KDM2B: variants seen among roughly 807,000 people sequenced by gnomAD.
KDM2B encodes lysine demethylase 2B, also known as lysine-specific demethylase 2B.
KDM2B carries 26 observed loss-of-function variants against 150.0 expected under a neutral mutation model. The ratio of observed to expected loss-of-function variants is 0.17; its 90% CI spans 0.13 to 0.24. KDM2B has a LOEUF of 0.24. Ranked by LOEUF, KDM2B falls within the 10% of genes least tolerant of loss-of-function variation. The probability of loss-of-function intolerance (pLI) is 1.00; values close to 1 mark genes in which losing one functional copy is unlikely to be tolerated. For missense variants in KDM2B, 1,265 were observed against 1,816.9 expected (o/e 0.70, Z 5.52); for synonymous variants, 734 against 729.5 (o/e 1.01, Z -0.10).
At chr12:121,512,302 A>G (rs1419557921) in intron 10 of KDM2B, among the ~76,000 whole-genome samples, 5 of 152,104 alleles carry the variant, frequency 3.3e-5, no homozygotes, top group Non-Finnish European at 7.3e-5. Context: ...CTCACAGGCA[A>G]AGACTTCCCA....
At chr12:121,499,129 G>C (rs1295269495) in intron 11 of KDM2B, among the ~76,000 whole-genome samples, 2 of 38,920 alleles carry the variant, frequency 5.1e-5, no homozygotes, top group Admixed American at 2.6e-4. Flanking sequence ...TTTTTTTTTT[G>C]AGATGGAATC....
intron 4 of KDM2B, among the ~76,000 whole-genome samples, chr12:121,572,591 C>T (rs1324810550): frequency 2.0e-5 from 3 of 152,196 alleles, no homozygotes; most frequent in Non-Finnish European, 4.4e-5. Context: ...AGCCCCACCA[C>T]GTGCCATGCC....
intron 13 of KDM2B, among the ~76,000 whole-genome samples, chr12:121,448,319 CAAAAAAAAAAAAA>C (rs57261158): frequency 3.9e-5 from 2 of 51,106 alleles, no homozygotes; most frequent in Admixed American, 2.6e-4. Context: ...GACTCTGTCT[CAAAAAAAAAAAAA>C]AAAAAAAAAA....
intron 11 of KDM2B, among the ~76,000 whole-genome samples, chr12:121,504,817 T>C (rs139311928): frequency 6.6e-6 from 1 of 151,944 alleles, no homozygotes; most frequent in Non-Finnish European, 1.5e-5. Flanking sequence ...CATCTCTACT[T>C]AAAATATAAA....
intron 10 of KDM2B, 47 bp from the exon 11 acceptor site, chr12:121,510,086 C>T: frequency 1.4e-6 from 2 of 1,472,558 alleles, no homozygotes; most frequent in East Asian, 2.3e-5. Context: ...ACCTAACTCC[C>T]TGCCAAGGTC....
Position 121,550,952 on chromosome 12 carries a change from C to A in KDM2B, c.398-1314G>T, listed in dbSNP as rs138926636. 1.8e-3 allele frequency among the ~76,000 whole-genome samples: 277 copies of A among 152,268 alleles called. 1 individual carries two copies. The highest frequency in any genetic ancestry group is 6.4e-3 in the African/African-American group (267 of 41,548). On this transcript the variant is annotated intron_variant, in intron 4 of 22. Coordinates refer to ENST00000377071, the MANE Select transcript of KDM2B (RefSeq NM_032590.5). Reference sequence around the variant, plus strand: ...TTTACAAAGCTTTCCTGGGGCACAGCCACGGTCATCGGTTCACATATTGTA... The same window carrying A: ...TTTACAAAGCTTTCCTGGGGCACAGACACGGTCATCGGTTCACATATTGTA...
rs530909392 is a variant in KDM2B at position 121,518,844 on chromosome 12, A to C, written c.1047+2141T>G. ...TCTGCTCGTGCACAAACTGGCCTGT[A>C]CTCCAGGACAGGCCAAAGAACAGTT... On this transcript the variant is annotated intron_variant, in intron 9 of 22. Coordinates refer to ENST00000377071, the MANE Select transcript of KDM2B (RefSeq NM_032590.5). This position sits in a 1 kb window ranked among gnomAD's most constrained non-coding sequence, Gnocchi z 4.4. Among the ~76,000 whole-genome samples, 1 of 152,142 alleles carries C rather than the reference A, an allele frequency of 6.6e-6. No individual in the cohort carries two copies. The highest frequency in any genetic ancestry group is 2.1e-4 in the South Asian group (1 of 4,800).
chr12:121,575,874 G>T lies in KDM2B; in HGVS notation c.272-15C>A. The stretch of plus-strand genomic sequence containing the variant: ...ATAGTTGAAATCTGTTTGGATATTT[G>T]AATTAAAACAAGTTGGTTAAGTCAC... On this transcript the variant is annotated splice_polypyrimidine_tract_variant and intron_variant, in intron 2 of 22. Coordinates refer to ENST00000377071, the MANE Select transcript of KDM2B (RefSeq NM_032590.5). The surrounding 1 kb of genome is among the most constrained non-coding windows in gnomAD (Gnocchi z 4.4). The T allele has an allele frequency of 6.3e-7, 1 of 1,595,346 alleles. No homozygotes were observed. Among genetic ancestry groups the T allele is most frequent in the Non-Finnish European group, 8.6e-7 (1 of 1,162,966 alleles).
intron 4 of KDM2B, among the ~76,000 whole-genome samples, chr12:121,558,702 G>A (rs565803260): frequency 2.6e-5 from 4 of 152,036 alleles, no homozygotes; most frequent in African/African-American, 7.2e-5. Context: ...TGATTTGCCC[G>A]CCTCGGCCTC....
At chr12:121,580,489 C>T in intron 1 of KDM2B, 1 of 1,184,166 alleles carries the variant, frequency 8.4e-7, no homozygotes, top group Non-Finnish European at 1.0e-6. Flanking sequence ...ACGCAGGCGC[C>T]GCCGCCGCCC....
rs557538981 is a variant in KDM2B at position 121,444,406 on chromosome 12, G to A, written c.2190+44C>T. 223 of 1,609,632 alleles carry A rather than the reference G, an allele frequency of 1.4e-4. 2 individuals are homozygous for A. In the South Asian group the frequency reaches 2.1e-3, roughly 15 times the overall value. On this transcript the variant is annotated intron_variant, in intron 15 of 22. Coordinates refer to ENST00000377071, the MANE Select transcript of KDM2B (RefSeq NM_032590.5). ...GCTGGTCCCGGCCAGGCCCAGGCCC[G>A]CCCCTCTCCCGACTGACCCTGGGAC...
chr12:121,465,318 C>T (rs1300537007), intron 12 of KDM2B, among the ~76,000 whole-genome samples: 2 of 152,174 alleles, frequency 1.3e-5, no homozygotes, highest in African/African-American at 4.8e-5. Flanking sequence ...ACCGCAACCT[C>T]CGCCTCCTGG....
At chr12:121,565,817 G>A (rs1425831586) in intron 4 of KDM2B, among the ~76,000 whole-genome samples, 1 of 151,946 alleles carries the variant, frequency 6.6e-6, no homozygotes, top group Non-Finnish European at 1.5e-5. Context: ...AGTAGAGACG[G>A]GGTTTCACCA....
At chr12:121,450,861 A>G (rs1261049942) in intron 13 of KDM2B, among the ~76,000 whole-genome samples, 1 of 151,924 alleles carries the variant, frequency 6.6e-6, no homozygotes, top group Non-Finnish European at 1.5e-5. Flanking sequence ...ACTCCATCAA[A>G]AAAAAAAAAG....
chr12:121,426,445 C>G (rs1218437989), downstream of KDM2B, among the ~76,000 whole-genome samples: 2 of 99,602 alleles, frequency 2.0e-5, no homozygotes, highest in Non-Finnish European at 3.8e-5. Flanking sequence ...TCTACCCCCT[C>G]CCCCCCCTTT....
At chr12:121,480,119 A>G (rs1555297570) in intron 12 of KDM2B, among the ~76,000 whole-genome samples, 2 of 151,962 alleles carry the variant, frequency 1.3e-5, no homozygotes, top group Non-Finnish European at 1.5e-5. Flanking sequence ...AAAATGATCA[A>G]CAAGTGCTGA....
At chr12:121,480,432 T>G (rs1010307176) in intron 12 of KDM2B, among the ~76,000 whole-genome samples, 19 of 151,914 alleles carry the variant, frequency 1.3e-4, no homozygotes, top group African/African-American at 4.1e-4. Context: ...GAGAAAAGTC[T>G]GTATTAAAAG....
At chr12:121,552,383 C>G (rs1555311947) in intron 4 of KDM2B, among the ~76,000 whole-genome samples, 1 of 152,084 alleles carries the variant, frequency 6.6e-6, no homozygotes, top group Non-Finnish European at 1.5e-5. Flanking sequence ...AAACATGACC[C>G]CAGACCTGGC....
chr12:121,421,489 T>C, the KDM2B span, among the ~76,000 whole-genome samples: 1 of 149,026 alleles, frequency 6.7e-6, no homozygotes, highest in East Asian at 2.0e-4. Flanking sequence ...CAGGGAGCCG[T>C]GGTCATGCCA....
Sources: allele counts gnomAD v4.1 joint callset (sites outside exome capture counted in the v4.1 genomes callset), GRCh38; gene constraint gnomAD v4.1.1; non-coding constraint Gnocchi (gnomAD v3.1); transcripts MANE v1.5; gene names NCBI Gene and HGNC (gene_info 2026-07-23, HGNC 2026-07-21).